The following PROSER3 variants were observed in gnomAD, a reference collection of about 807,000 sequenced individuals.
PROSER3 encodes the protein proline and serine-rich protein 3.
In PROSER3, 33 loss-of-function variants were observed where a neutral mutation model predicts 50.2. The ratio of observed to expected loss-of-function variants is 0.66; its 90% confidence interval spans 0.50 to 0.88. The LOEUF (loss-of-function observed/expected upper bound fraction) is 0.88. Among genes scored for constraint, PROSER3 ranks in the 40% least tolerant of loss-of-function variants. The pLI is 0.00. For missense variants in PROSER3, 623 were observed against 612.7 expected (o/e 1.02, Z -0.18); for synonymous variants, 266 against 259.3 (o/e 1.03, Z -0.25).
rs1457399566 is a variant in PROSER3 at position 35,765,186 on chromosome 19, G to A, written c.769+10G>A. 6.2e-6 allele frequency: 10 copies of A among 1,611,756 alleles called. No homozygotes were observed. The Admixed American group carries it at 1.7e-4, about 27-fold the overall frequency. On this transcript the variant is annotated intron_variant, in intron 7 of 10. Coordinates refer to ENST00000396908, the Ensembl canonical transcript of PROSER3. ...GGCCCCAGGGCACCCGGTAAGGGCT[G>A]AGAGGCAAAGACTGAGGGCAGCCTG...
chr19:35,769,111 C>T (rs946036950), exon 11 of PROSER3: 1 of 152,276 alleles, frequency 6.6e-6, no homozygotes, highest in Non-Finnish European at 1.5e-5. Context: ...GTGCTCTTGT[C>T]TAGCTTAATG....
At chr19:35,758,362 G>A (rs1970839132) in intron 1 of PROSER3, 136 bp downstream of exon 1, 1 of 1,212,540 alleles carries the variant, frequency 8.2e-7, no homozygotes, top group Admixed American at 3.4e-5. Flanking sequence ...TTCCCAACAT[G>A]CTCCACAGCC....
intron 2 of PROSER3, 45 bp from the exon 3 acceptor site, chr19:35,759,744 A>G (rs1970891198): frequency 7.3e-6 from 11 of 1,508,906 alleles, no homozygotes; most frequent in Non-Finnish European, 9.0e-6. Context: ...GGGATGACCC[A>G]TGAGACCTCA....
exon 11 of PROSER3, chr19:35,768,706 C>A: frequency 2.6e-6 from 2 of 773,138 alleles, no homozygotes; most frequent in Non-Finnish European, 3.8e-6. Flanking sequence ...CCCTGCCCCC[C>A]ACCCCTTCCT....
exon 5 of PROSER3, chr19:35,762,289 C>T (rs1310350766): frequency 6.2e-7 from 1 of 1,612,138 alleles, no homozygotes; most frequent in Non-Finnish European, 8.5e-7. Flanking sequence ...CCCCATACAG[C>T]TGTCCCTACT....
rs915478558 is a variant in PROSER3 at position 35,768,145 on chromosome 19, C to T, written c.1220-10C>T. ...GCCCCTTGGAGCTCATTCTTTTCTCCCCGGCCCAGACTCCGACGGCAGCGA... is the reference window on the plus strand; with the variant it reads ...GCCCCTTGGAGCTCATTCTTTTCTCTCCGGCCCAGACTCCGACGGCAGCGA... On this transcript the variant is annotated splice_polypyrimidine_tract_variant and intron_variant, in intron 9 of 10. Transcript: ENST00000396908. 6.2e-7 allele frequency: 1 copy of T among 1,612,238 alleles called. No individual in the cohort carries two copies. Among genetic ancestry groups the T allele is most frequent in the East Asian group, 2.2e-5 (1 of 44,818 alleles).
chr19:35,768,203 G>A (rs775692166), exon 10 of PROSER3: 7 of 1,613,452 alleles, frequency 4.3e-6, no homozygotes, highest in South Asian at 2.2e-5. Flanking sequence ...CAGGTGCTAA[G>A]AGCCCATAGG....
At chr19:35,769,787 A>G (rs1249155898), downstream of PROSER3, 1 of 152,088 alleles carries the variant, frequency 6.6e-6, no homozygotes, top group Non-Finnish European at 1.5e-5. Context: ...CTGTAGTACA[A>G]TGGCATGATC....
At chr19:35,765,779 C>G (rs1403806686) in intron 7 of PROSER3, among the ~76,000 whole-genome samples, 1 of 152,112 alleles carries the variant, frequency 6.6e-6, no homozygotes, top group Non-Finnish European at 1.5e-5. Context: ...AAGCGATCCC[C>G]CCACCGCCTT....
At chr19:35,766,630 G>A in intron 7 of PROSER3, 138 bp from the exon 8 acceptor site, 2 of 614,144 alleles carry the variant, frequency 3.3e-6, no homozygotes, top group Admixed American at 6.1e-5. Context: ...TCCCACCCCA[G>A]AGAGGAGCTG....
exon 3 of PROSER3, chr19:35,759,941 G>C (rs116498218): frequency 1.2e-6 from 2 of 1,607,086 alleles, no homozygotes; most frequent in East Asian, 2.2e-5. Context: ...GACAGATGTG[G>C]GCCTCCCCAG....
At chr19:35,759,502 C>T in intron 2 of PROSER3, 32 bp downstream of exon 2, 1 of 1,559,160 alleles carries the variant, frequency 6.4e-7, no homozygotes, top group Non-Finnish European at 8.8e-7. Flanking sequence ...TGCTGAGTGC[C>T]AGCCCAGTAG....
chr19:35,766,336 C>T (rs1400230292), intron 7 of PROSER3, among the ~76,000 whole-genome samples: 2 of 152,020 alleles, frequency 1.3e-5, no homozygotes, highest in Admixed American at 6.6e-5. Flanking sequence ...GGCTTGAGCC[C>T]AGGAGTTTGA....
At chr19:35,759,847 C>A in exon 3 of PROSER3, 1 of 1,578,330 alleles carries the variant, frequency 6.3e-7, no homozygotes, top group Non-Finnish European at 8.6e-7. Context: ...AAGGCTCTAG[C>A]CACAGGTCCC....
chr19:35,763,353 C>T (rs1392860065), intron 5 of PROSER3, among the ~76,000 whole-genome samples: 3 of 151,692 alleles, frequency 2.0e-5, no homozygotes, highest in Non-Finnish European at 4.4e-5. Context: ...AGGTGCATGC[C>T]ACCACACCCA....
chr19:35,762,085 C>G, exon 4 of PROSER3: 2 of 1,611,584 alleles, frequency 1.2e-6, no homozygotes, highest in Non-Finnish European at 1.7e-6. Context: ...CAGGCCCAAC[C>G]CCAGCTGACT....
chr19:35,762,049 C>T lies in PROSER3; in HGVS notation c.342C>T (p.Pro114=), dbSNP rs761381918. The T allele has an allele frequency of 3.1e-6, 5 of 1,610,322 alleles. No individual in the cohort carries two copies. In the African/African-American group the frequency reaches 6.7e-5, roughly 22 times the overall value. Residue 114 remains proline (P), a synonymous_variant, in exon 4 of 11, where the codon CCC becomes CCT. Coordinates refer to ENST00000396908, the Ensembl canonical transcript of PROSER3. ...TAAACAGGTTCCGCCAGGCTCAGCC[C>T]ACCAGTCGAGAGGAGCGCCAGCCTG...
Position 35,767,702 on chromosome 19 carries a change from G to A in PROSER3, c.958-102G>A, listed in dbSNP as rs904135039. ...CCTGGAGGACACGCCTCCTCACTTCGAGGGCCCCCCTCCACCCAAGGCTGG... is the reference window on the plus strand; with the variant it reads ...CCTGGAGGACACGCCTCCTCACTTCAAGGGCCCCCCTCCACCCAAGGCTGG... On this transcript the variant is annotated intron_variant, in intron 8 of 10. Coordinates refer to ENST00000396908, the Ensembl canonical transcript of PROSER3. 1.3e-5 allele frequency: 18 copies of A among 1,426,416 alleles called. No homozygotes were observed. In the East Asian group the frequency reaches 1.9e-4, roughly 15 times the overall value. The allele number at this position is 1,426,416 out of a possible 1,614,324, so 88.4% of individuals were successfully genotyped here.
chr19:35,761,986 C>T, intron 3 of PROSER3, 33 bp from the exon 4 acceptor site: 2 of 1,555,844 alleles, frequency 1.3e-6, no homozygotes, highest in Non-Finnish European at 1.7e-6. Flanking sequence ...GCTCTCCTCA[C>T]TCCACTCACC....
Sources: allele counts gnomAD v4.1 joint callset (sites outside exome capture counted in the v4.1 genomes callset), GRCh38; gene constraint gnomAD v4.1.1; transcripts MANE v1.5; gene names NCBI Gene and HGNC (gene_info 2026-07-23, HGNC 2026-07-21).